Variants in STK36 observed in about 807,000 individuals in gnomAD.
STK36 encodes the protein serine/threonine kinase 36.
STK36 carries 116 observed loss-of-function variants against 142.2 expected under a neutral mutation model. The ratio of observed to expected loss-of-function variants is 0.82; its 90% confidence interval spans 0.70 to 0.95. STK36 has a LOEUF of 0.95. Ranked by LOEUF, STK36 falls within the 40% of genes least tolerant of loss-of-function variation. STK36 has a pLI of 0.00. For synonymous variants in STK36, 619 were observed against 641.7 expected, an observed-to-expected ratio of 0.96 and a Z score of 0.53; for missense variants, 1,422 against 1,617.2, an observed-to-expected ratio of 0.88 and a Z score of 2.07.
chr2:218,680,515 T>C (rs1402009366), intron 9 of STK36, 88 bp from the exon 10 acceptor site: 7 of 1,099,594 alleles, frequency 6.4e-6, no homozygotes, highest in Non-Finnish European at 9.4e-6. Context: ...TTCTCATTCT[T>C]ATCCTGGGTC....
At chr2:218,683,167 T>C (rs1940610349) in intron 10 of STK36, among the ~76,000 whole-genome samples, 1 of 152,184 alleles carries the variant, frequency 6.6e-6, no homozygotes, top group East Asian at 1.9e-4. Context: ...TGGACTATAG[T>C]GGTGCAATCA....
intron 26 of STK36, among the ~76,000 whole-genome samples, chr2:218,701,136 C>T (rs1321587118): frequency 3.5e-5 from 5 of 142,788 alleles, no homozygotes; most frequent in Non-Finnish European, 7.6e-5. Flanking sequence ...TGGTGAAGAT[C>T]TTTTTTTTTT....
At chr2:218,680,757 G>A (rs1384817420) in intron 10 of STK36, 55 bp downstream of exon 10, 78 of 1,493,448 alleles carry the variant, frequency 5.2e-5, no homozygotes, top group Admixed American at 9.8e-5. Flanking sequence ...GTTAAGTCTA[G>A]GTAGATGTTT....
chr2:218,674,526 A>G (rs1940145937), intron 4 of STK36, among the ~76,000 whole-genome samples: 1 of 152,190 alleles, frequency 6.6e-6, no homozygotes, highest in Non-Finnish European at 1.5e-5. Flanking sequence ...GGGATTCATT[A>G]TTGCAGCATT....
At chr2:218,675,969 G>A in intron 5 of STK36, 60 bp from the exon 6 acceptor site, 2 of 1,596,736 alleles carry the variant, frequency 1.3e-6, no homozygotes, top group Non-Finnish European at 1.7e-6. Flanking sequence ...ATGTTAGGTA[G>A]TAGTGACCAG....
intron 25 of STK36, 96 bp downstream of exon 25, chr2:218,698,097 CT>C: frequency 6.6e-7 from 1 of 1,522,334 alleles, no homozygotes; most frequent in Non-Finnish European, 8.9e-7. Context: ...TTCTAGGCCC[CT>C]GTAAGCATGG....
In STK36 at chr2:218,692,633, G is replaced by A. The variant is rs748292436; in HGVS notation, c.1966G>A (p.Gly656Arg). 3 of 1,613,724 alleles carry A rather than the reference G, an allele frequency of 1.9e-6. No homozygotes were observed. The East Asian group carries it at 6.7e-5, about 36-fold the overall frequency. Residue 656 changes from glycine to arginine, a missense_variant, in exon 16 of 27, where the codon GGA (glycine) becomes AGA (arginine). By Grantham distance (125) the Gly-to-Arg change is moderately radical. Transcript: ENST00000295709. ...PLREQSEDIP[G>R]AISSALAAIC... is the part of the protein sequence containing the mutation. Reference sequence around the variant, plus strand: ...GCGAGAGCAGAGTGAGGATATACCTGGAGCCATTTCCTCTGCCCTGGCAGC... The same window carrying A: ...GCGAGAGCAGAGTGAGGATATACCTAGAGCCATTTCCTCTGCCCTGGCAGC...
intron 1 of STK36, chr2:218,672,461 C>T (rs985157835): frequency 2.4e-5 from 7 of 292,054 alleles, no homozygotes; most frequent in Non-Finnish European, 3.9e-5. Flanking sequence ...GGGGGAGACT[C>T]AAAGGAGCAG....
intron 22 of STK36, 97 bp downstream of exon 22, chr2:218,696,698 C>A (rs1941246257): frequency 7.9e-7 from 1 of 1,267,308 alleles, no homozygotes; most frequent in African/African-American, 1.5e-5. Context: ...CAACCCACAG[C>A]CTTCCCTCTC....
At position 218,672,739 on chromosome 2, in the gene STK36, A is replaced by G. The variant is rs771562154; in HGVS notation, c.-89-2A>G. ...ATTTTTCCTTTCCCGTGCCCCAACTAGGCGTCCCAGATGTTGTGGAACTGT... is the reference window on the plus strand; with the variant it reads ...ATTTTTCCTTTCCCGTGCCCCAACTGGGCGTCCCAGATGTTGTGGAACTGT... On this transcript the variant is annotated splice_acceptor_variant, in intron 1 of 26. Coordinates refer to ENST00000295709, the MANE Select transcript of STK36 (RefSeq NM_015690.5). LOFTEE classifies it low-confidence loss of function (5UTR_SPLICE). 7.7e-7 allele frequency: 1 copy of G among 1,295,828 alleles called. No homozygotes were observed. Among genetic ancestry groups the G allele is most frequent in the Non-Finnish European group, 1.1e-6 (1 of 905,424 alleles). The allele number at this position is 1,295,828 out of a possible 1,614,324, so 80.3% of individuals were successfully genotyped here.
At chr2:218,679,846 T>C (rs1310844507) in intron 8 of STK36, 47 bp from the exon 9 acceptor site, 12 of 1,605,368 alleles carry the variant, frequency 7.5e-6, no homozygotes, top group Non-Finnish European at 1.0e-5. Flanking sequence ...TATTGTCCTA[T>C]AGCAATCAAA....
chr2:218,693,193 G>T, intron 16 of STK36, 47 bp from the exon 17 acceptor site: 5 of 1,521,958 alleles, frequency 3.3e-6, no homozygotes, highest in Non-Finnish European at 2.7e-6. Context: ...GAGGAATAGG[G>T]TTGTAATCAT....
At chr2:218,696,446 GCACCATCACTGA>G in intron 21 of STK36, 69 bp from the exon 22 acceptor site, 1 of 1,202,398 alleles carries the variant, frequency 8.3e-7, no homozygotes, top group Non-Finnish European at 1.2e-6. Context: ...TCCCTCCATG[GCACCATCACTGA>G]CCTGCCTTGG....
At chr2:218,688,177 G>A (rs1940850506) in intron 11 of STK36, among the ~76,000 whole-genome samples, 1 of 151,978 alleles carries the variant, frequency 6.6e-6, no homozygotes, top group African/African-American at 2.4e-5. Flanking sequence ...TAAATAAAGG[G>A]CAAAAATAAA....
intron 16 of STK36, 87 bp downstream of exon 16, chr2:218,692,797 CAAGCTTTT>C: frequency 6.7e-7 from 1 of 1,488,972 alleles, no homozygotes; most frequent in South Asian, 1.3e-5. Context: ...GGCAGAAAAA[CAAGCTTTT>C]AAGCCCCTCC....
At position 218,697,131 on chromosome 2, in the gene STK36, G is replaced by A. The variant is rs1941264496; in HGVS notation, c.2679G>A (p.Glu893=). Reference sequence around the variant, plus strand: ...TCTCCATGGTCCTGAGGCTCCCCGAGGAGGCATCTGCACAGGAAGGGGAGC... The same window carrying A: ...TCTCCATGGTCCTGAGGCTCCCCGAAGAGGCATCTGCACAGGAAGGGGAGC... ...HRFSMVLRLP[E]EASAQEGELS... The change falls in exon 23 of 27, where the codon GAG becomes GAA. Residue 893 remains glutamate, a synonymous_variant. Transcript: ENST00000295709. 1 of 1,614,114 alleles carries A rather than the reference G, an allele frequency of 6.2e-7. No individual in the cohort carries two copies. The highest frequency in any genetic ancestry group is 8.5e-7 in the Non-Finnish European group (1 of 1,180,024).
chr2:218,681,129 G>GC (rs1553601922), intron 10 of STK36, among the ~76,000 whole-genome samples: 4 of 133,718 alleles, frequency 3.0e-5, no homozygotes, highest in African/African-American at 5.5e-5. Flanking sequence ...TACCACAATC[G>GC]TTTTTTTTTT....
rs1941142404 is a variant in STK36 at position 218,694,368 on chromosome 2, G to T, written c.2400+41G>T. 6 of 1,584,140 alleles carry T rather than the reference G, an allele frequency of 3.8e-6. No individual in the cohort carries two copies. In the South Asian group the frequency reaches 5.5e-5, roughly 15 times the overall value. On this transcript the variant is annotated intron_variant, in intron 20 of 26. Coordinates refer to ENST00000295709, the MANE Select transcript of STK36 (RefSeq NM_015690.5). The surrounding 1 kb of genome is among the most constrained non-coding windows in gnomAD (Gnocchi z 4.4). Reference sequence around the variant, plus strand: ...TCACCCTCCTCCCCTTTTCACCCTAGCATCTACCCCTTGTGGAAGTGGGGG... The same window carrying T: ...TCACCCTCCTCCCCTTTTCACCCTATCATCTACCCCTTGTGGAAGTGGGGG...
chr2:218,697,103 G>A lies in STK36; in HGVS notation c.2651G>A (p.Arg884His), dbSNP rs147249136. 2.7e-5 allele frequency: 44 copies of A among 1,613,996 alleles called. No homozygotes were observed. Among genetic ancestry groups the A allele is most frequent in the African/African-American group, 1.5e-4 (11 of 74,910 alleles). ...SSEMWTVLWH[R>H]FSMVLRLPEE... ...GAAATGTGGACCGTTTTGTGGCACCGCTTCTCCATGGTCCTGAGGCTCCCC... is the reference window on the plus strand; with the variant it reads ...GAAATGTGGACCGTTTTGTGGCACCACTTCTCCATGGTCCTGAGGCTCCCC... The change falls in exon 23 of 27, where the codon CGC becomes CAC. Residue 884 changes from arginine (R) to histidine (H), a missense_variant. Arg to His is a conservative substitution (Grantham distance 29). Transcript: ENST00000295709.
Sources: allele counts gnomAD v4.1 joint callset (sites outside exome capture counted in the v4.1 genomes callset), GRCh38; gene constraint gnomAD v4.1.1; non-coding constraint Gnocchi (gnomAD v3.1); transcripts MANE v1.5; gene names NCBI Gene and HGNC (gene_info 2026-07-23, HGNC 2026-07-21).